MYOF: variants seen among roughly 807,000 people sequenced by gnomAD.
The protein encoded by MYOF is fer-1-like 3, myoferlin.
MYOF carries 244 observed loss-of-function variants against 284.2 expected under a neutral mutation model. The ratio of observed to expected loss-of-function variants is 0.86; its 90% CI spans 0.77 to 0.95. The LOEUF (loss-of-function observed/expected upper bound fraction) is 0.95. MYOF is among the 40% of genes least tolerant of loss of function. The pLI is 0.00. For missense variants in MYOF, 2,496 were observed against 2,560.6 expected, an observed-to-expected ratio of 0.97 and a Z score of 0.54; for synonymous variants, 904 against 919.7, an observed-to-expected ratio of 0.98 and a Z score of 0.31.
At chr10:93,479,064 C>T (rs192290093) in intron 1 of MYOF, among the ~76,000 whole-genome samples, 77 of 152,118 alleles carry the variant, frequency 5.1e-4, no homozygotes, top group Non-Finnish European at 1.9e-4. Flanking sequence ...TTTATTTACC[C>T]AAGAGGCAAA....
chr10:93,460,649 C>G (rs1347579083), intron 1 of MYOF, among the ~76,000 whole-genome samples: 2 of 151,832 alleles, frequency 1.3e-5, no homozygotes, highest in African/African-American at 4.8e-5. Flanking sequence ...CGCCTGCAGT[C>G]CCAGCCACTC....
At chr10:93,322,973 CA>C in intron 48 of MYOF, 104 bp downstream of exon 48, 1 of 1,217,100 alleles carries the variant, frequency 8.2e-7, no homozygotes, top group Non-Finnish European at 1.2e-6. Flanking sequence ...AAAATAACCT[CA>C]AAAAACCAAG....
At chr10:93,461,836 T>G (rs974209394) in intron 1 of MYOF, among the ~76,000 whole-genome samples, 1 of 152,176 alleles carries the variant, frequency 6.6e-6, no homozygotes, top group Non-Finnish European at 1.5e-5. Context: ...TTTTATAACT[T>G]CAAAATTTTA....
chr10:93,471,998 C>A (rs1322167256), intron 1 of MYOF, among the ~76,000 whole-genome samples: 1 of 152,168 alleles, frequency 6.6e-6, no homozygotes, highest in African/African-American at 2.4e-5. Flanking sequence ...CCCAGCACAA[C>A]TCTGGCCACA....
intron 3 of MYOF, among the ~76,000 whole-genome samples, chr10:93,449,775 G>A (rs2056538922): frequency 6.6e-6 from 1 of 152,004 alleles, no homozygotes; most frequent in African/African-American, 2.4e-5. Context: ...ACAGGCATGA[G>A]CCACCACACC....
At chr10:93,427,734 C>T (rs569378913) in intron 4 of MYOF, among the ~76,000 whole-genome samples, 1 of 151,952 alleles carries the variant, frequency 6.6e-6, no homozygotes, top group Non-Finnish European at 1.5e-5. Context: ...AAACTGAAAA[C>T]ATTATGTAGC....
rs764632623 is a variant in MYOF, at chr10:93,392,913, A to C, written c.1456+4T>G. ...AACAGAGAGCAAAATTACGAAGCAT[A>C]AACCTGTATATGATGCAGCCCCAGT... On this transcript the variant is annotated splice_donor_region_variant and intron_variant, in intron 17 of 53. Coordinates refer to ENST00000359263, the MANE Select transcript of MYOF (RefSeq NM_013451.4). 1 of 1,610,404 alleles carries C rather than the reference A, an allele frequency of 6.2e-7. No individual in the cohort carries two copies. Among genetic ancestry groups the C allele is most frequent in the East Asian group, 2.2e-5 (1 of 44,842 alleles).
chr10:93,471,691 C>T (rs1240427893), intron 1 of MYOF, among the ~76,000 whole-genome samples: 1 of 152,228 alleles, frequency 6.6e-6, no homozygotes, highest in East Asian at 1.9e-4. Context: ...GAGATCGAGA[C>T]CAGCCTGGCT....
At chr10:93,416,806 C>T (rs939128083) in intron 5 of MYOF, among the ~76,000 whole-genome samples, 5 of 152,094 alleles carry the variant, frequency 3.3e-5, no homozygotes, top group African/African-American at 9.7e-5. Context: ...CCATGTTGGC[C>T]AGGCTGGTCT....
intron 3 of MYOF, among the ~76,000 whole-genome samples, chr10:93,447,657 G>A (rs578216065): frequency 1.8e-4 from 27 of 152,194 alleles, no homozygotes; most frequent in Middle Eastern, 3.4e-3. Context: ...GCTGTCTCTC[G>A]TTCGCCAGCT....
intron 26 of MYOF, among the ~76,000 whole-genome samples, chr10:93,365,489 C>T (rs1845285755): frequency 6.6e-6 from 1 of 152,114 alleles, no homozygotes; most frequent in Non-Finnish European, 1.5e-5. Context: ...AGTATACCTC[C>T]TACCATTTCT....
chr10:93,401,626 C>T, intron 11 of MYOF, 82 bp from the exon 12 acceptor site: 1 of 1,533,878 alleles, frequency 6.5e-7, no homozygotes, highest in Non-Finnish European at 8.9e-7. Flanking sequence ...TAAAATGAAA[C>T]CATTCAGAAT....
At chr10:93,401,687 T>G in intron 11 of MYOF, 143 bp from the exon 12 acceptor site, 1 of 1,067,538 alleles carries the variant, frequency 9.4e-7, no homozygotes, top group Admixed American at 2.6e-5. Flanking sequence ...CAGCCTGCCA[T>G]CAGCCACCAG....
intron 2 of MYOF, among the ~76,000 whole-genome samples, chr10:93,453,999 A>G (rs1303728832): frequency 6.6e-6 from 1 of 152,188 alleles, no homozygotes; most frequent in East Asian, 1.9e-4. Context: ...CCTGACCAAC[A>G]TGGTGAAATC....
intron 5 of MYOF, among the ~76,000 whole-genome samples, chr10:93,422,907 A>G (rs1848416583): frequency 6.6e-6 from 1 of 152,148 alleles, no homozygotes; most frequent in South Asian, 2.1e-4. Flanking sequence ...AATGAACCAC[A>G]GTATTTTTTT....
intron 17 of MYOF, among the ~76,000 whole-genome samples, chr10:93,391,918 T>C (rs867732272): frequency 1.3e-5 from 2 of 152,240 alleles, no homozygotes; most frequent in South Asian, 2.1e-4. Context: ...TGCACATCTC[T>C]GTGACTAAAG....
intron 1 of MYOF, among the ~76,000 whole-genome samples, chr10:93,474,772 G>A (rs147252340): frequency 0.032 from 4,656 of 146,410 alleles, 207 homozygotes; most frequent in East Asian, 0.24. Flanking sequence ...TTGAGATGAA[G>A]TTTCACTCTT....
chr10:93,423,991 C>T lies in MYOF; in HGVS notation c.433+2080G>A, dbSNP rs139005229. 9.4e-4 allele frequency among the ~76,000 whole-genome samples: 143 copies of T among 152,110 alleles called. 1 individual carries two copies. The highest frequency in any genetic ancestry group is 1.6e-3 in the Non-Finnish European group (108 of 68,008). On this transcript the variant is annotated intron_variant, in intron 5 of 53. Coordinates refer to ENST00000359263, the MANE Select transcript of MYOF (RefSeq NM_013451.4). ...ACAGCAGAGGCAGAGACTGGGGTGA[C>T]GCATCTACAAGCCACAGATGCCAAG... is the stretch of plus-strand genomic sequence containing the variant.
At chr10:93,423,651 G>T (rs914175075) in intron 5 of MYOF, among the ~76,000 whole-genome samples, 3 of 151,130 alleles carry the variant, frequency 2.0e-5, no homozygotes, top group Admixed American at 2.0e-4. Context: ...GGCTAACACG[G>T]TGAAACCCTG....
Sources: gnomAD v4.1 joint callset for allele counts (sites outside exome capture counted in the v4.1 genomes callset) on GRCh38, gnomAD v4.1.1 for gene constraint, MANE v1.5 for transcripts, NCBI Gene and HGNC (gene_info 2026-07-23, HGNC 2026-07-21) for gene names.